The following TRIM67 variants were observed in gnomAD, a reference collection of about 807,000 sequenced individuals.
TRIM67 encodes tripartite motif-containing protein 67.
A neutral mutation model predicts 71.0 loss-of-function variants in TRIM67; 39 were observed. That is an observed-to-expected ratio of 0.55 (90% confidence interval 0.43 to 0.72). TRIM67 has a LOEUF of 0.72. TRIM67 is among the 30% of genes least tolerant of loss of function. TRIM67 has a pLI of 0.00. For synonymous variants in TRIM67, 481 were observed against 473.9 expected (o/e 1.01, Z -0.19); for missense variants, 973 against 1,079.2 (o/e 0.90, Z 1.38).
At chr1:231,182,605 A>G (rs1009102929) in intron 1 of TRIM67, among the ~76,000 whole-genome samples, 2 of 152,156 alleles carry the variant, frequency 1.3e-5, no homozygotes, top group Admixed American at 6.5e-5. Context: ...GGGCACATCC[A>G]GCAGATGAAT....
intron 1 of TRIM67, among the ~76,000 whole-genome samples, chr1:231,193,822 C>G (rs1043707254): frequency 5.3e-5 from 8 of 152,048 alleles, no homozygotes; most frequent in Admixed American, 5.2e-4. Context: ...GTTTAACAAC[C>G]AGTTCTCGTG....
rs181533916 is a variant in TRIM67 at position 231,194,808 on chromosome 1, G to A, written c.1045-2563G>A. Among the ~76,000 whole-genome samples the A allele has an allele frequency of 1.2e-4, 19 of 152,164 alleles. No individual in the cohort carries two copies. In the East Asian group the frequency reaches 1.7e-3, roughly 14 times the overall value. On this transcript the variant is annotated intron_variant, in intron 1 of 9. Coordinates refer to ENST00000366653, the MANE Select transcript of TRIM67 (RefSeq NM_001004342.5). ...AGCCATCCTCCTGCCCCAGCCTCCCGAGTAGCTGGGACTACAAGCACACAC... is the reference window on the plus strand; with the variant it reads ...AGCCATCCTCCTGCCCCAGCCTCCCAAGTAGCTGGGACTACAAGCACACAC...
intron 8 of TRIM67, 27 bp from the exon 9 acceptor site, chr1:231,213,788 T>G (rs1222291225): frequency 6.4e-7 from 1 of 1,551,074 alleles, no homozygotes; most frequent in Non-Finnish European, 8.7e-7. Context: ...GGTGTGGTGA[T>G]GGTCTTCCTG....
rs1407992663 is a variant in TRIM67, at chr1:231,219,611, GA to G, written c.*4174del. On this transcript the variant is annotated 3_prime_UTR_variant, in exon 10 of 10. Transcript: ENST00000366653. Reference sequence around the variant, plus strand: ...CCCCCTGCCCGCTCCCCACTTCCTAGAAAGCAAAACTCGTTACCTTTGTTTT... The same window carrying G: ...CCCCCTGCCCGCTCCCCACTTCCTAGAAGCAAAACTCGTTACCTTTGTTTT... The G allele has an allele frequency of 8.8e-7, 1 of 1,132,472 alleles. No individual in the cohort carries two copies. Among genetic ancestry groups the G allele is most frequent in the East Asian group, 7.1e-5 (1 of 14,172 alleles). 70.2% of individuals were successfully genotyped at this position (1,132,472 alleles called of 1,614,324 possible). A position where few individuals can be genotyped will look rare whatever the true frequency, so the allele number is the denominator to read the frequency against.
Position 231,163,795 on chromosome 1 carries a change from A to G in TRIM67, c.826A>G (p.Ser276Gly). 6.7e-7 allele frequency: 1 copy of G among 1,490,624 alleles called. No homozygotes were observed. The highest frequency in any genetic ancestry group is 9.0e-7 in the Non-Finnish European group (1 of 1,116,394). The allele number at this position is 1,490,624 out of a possible 1,614,324, so 92.3% of individuals were successfully genotyped here. A position where few individuals can be genotyped will look rare whatever the true frequency, so the allele number is the denominator to read the frequency against. The change falls in exon 1 of 10, where the codon AGC becomes GGC. Residue 276 changes from serine to glycine, a missense_variant. Coordinates refer to ENST00000366653, the MANE Select transcript of TRIM67 (RefSeq NM_001004342.5). ...CACTGGCACCGCCCAGGGCGCCCCC[A>G]GCGGAGGCGGCGGCTGCAAGAGCCC... ...GPTGTAQGAP[S>G]GGGGCKSPGG... is the part of the protein sequence containing the mutation.
chr1:231,172,552 C>A (rs1682644549), intron 1 of TRIM67, among the ~76,000 whole-genome samples: 1 of 152,118 alleles, frequency 6.6e-6, no homozygotes, highest in Non-Finnish European at 1.5e-5. Flanking sequence ...GAGCTGGGTT[C>A]TGGGAACCAG....
chr1:231,199,272 G>A, intron 3 of TRIM67, 103 bp downstream of exon 3: 1 of 1,110,086 alleles, frequency 9.0e-7, no homozygotes, highest in Admixed American at 1.8e-5. Flanking sequence ...AGCTAAGTGA[G>A]TGAATGAATG....
chr1:231,192,344 C>T (rs912432500), intron 1 of TRIM67, among the ~76,000 whole-genome samples: 9 of 152,114 alleles, frequency 5.9e-5, no homozygotes, highest in African/African-American at 1.9e-4. Context: ...GTAGAGACAA[C>T]AGCTCACTAT....
chr1:231,207,061 A>G (rs941896940), intron 7 of TRIM67, among the ~76,000 whole-genome samples: 1 of 152,174 alleles, frequency 6.6e-6, no homozygotes, highest in Admixed American at 6.5e-5. Flanking sequence ...GCAGGGCCGG[A>G]GGGGCCGGTT....
At chr1:231,186,328 C>G (rs1389020802) in intron 1 of TRIM67, among the ~76,000 whole-genome samples, 1 of 152,176 alleles carries the variant, frequency 6.6e-6, no homozygotes, top group Non-Finnish European at 1.5e-5. Flanking sequence ...CTGGTTTCAG[C>G]AGCGCATCCG....
rs979765775 is a variant in TRIM67 at position 231,162,661 on chromosome 1, A to C, written c.-309A>C. On this transcript the variant is annotated 5_prime_UTR_variant, in exon 1 of 10. Transcript: ENST00000366653. ...GGCGCTGGTGCTGATTCATCACCTA[A>C]AGCTCCTCGCAGGCCACCGCGAGGG... 1.1e-5 allele frequency: 4 copies of C among 364,106 alleles called. No homozygotes were observed. Among genetic ancestry groups the C allele is most frequent in the Admixed American group, 4.6e-5 (1 of 21,650 alleles). The allele number at this position is 364,106 out of a possible 1,614,324, so 22.6% of individuals were successfully genotyped here.
chr1:231,177,200 C>CG (rs1394390014), intron 1 of TRIM67, among the ~76,000 whole-genome samples: 3 of 152,182 alleles, frequency 2.0e-5, no homozygotes, highest in Admixed American at 2.0e-4. Flanking sequence ...TGAATGAGCA[C>CG]GGAGCAGAGA....
intron 5 of TRIM67, among the ~76,000 whole-genome samples, chr1:231,202,683 A>T (rs1476707822): frequency 1.3e-5 from 2 of 152,146 alleles, no homozygotes; most frequent in African/African-American, 4.8e-5. Flanking sequence ...GGCCATTTTA[A>T]ACTAAAGAAG....
chr1:231,199,031 C>G lies in TRIM67; in HGVS notation c.1141-16C>G. 1 of 1,613,844 alleles carries G rather than the reference C, an allele frequency of 6.2e-7. No homozygotes were observed. The highest frequency in any genetic ancestry group is 2.2e-5 in the East Asian group (1 of 44,882). ...AACTCTTTGCTTCTTCCCAACCAAC[C>G]CCCAACCTCTGCCAGGAAAACGGAC... On this transcript the variant is annotated splice_polypyrimidine_tract_variant and intron_variant, in intron 2 of 9. Coordinates refer to ENST00000366653, the MANE Select transcript of TRIM67 (RefSeq NM_001004342.5).
intron 1 of TRIM67, among the ~76,000 whole-genome samples, chr1:231,193,503 GCTCTCTCTCTCTCTCTCTCTCTCT>G (rs3049035): frequency 2.4e-5 from 2 of 81,996 alleles, no homozygotes; most frequent in African/African-American, 9.1e-5. Context: ...TCTCTCTCAA[GCTCTCTCTCTCTCTCTCTCTCTCT>G]CTCTCTCTCT....
intron 1 of TRIM67, among the ~76,000 whole-genome samples, chr1:231,190,827 CA>C (rs1424387227): frequency 2.6e-5 from 4 of 152,138 alleles, no homozygotes; most frequent in Non-Finnish European, 4.4e-5. Flanking sequence ...AGGGTCTGCC[CA>C]AGTCTCCCTC....
At position 231,203,907 on chromosome 1, in the gene TRIM67, C is replaced by T. The variant is rs1044478763; in HGVS notation, c.1575C>T (p.Thr525=). 12 of 1,613,832 alleles carry T rather than the reference C, an allele frequency of 7.4e-6. No homozygotes were observed. Among genetic ancestry groups the T allele is most frequent in the East Asian group, 2.2e-5 (1 of 44,898 alleles). The change falls in exon 6 of 10, where the codon ACC becomes ACT. Residue 525 remains threonine (T), a synonymous_variant. Transcript: ENST00000366653. ...VPLLQLEKCC[T]RNNSVTLAWR... Reference sequence around the variant, plus strand: ...TACTGCAGCTGGAGAAATGCTGCACCCGTAACAACAGCGTCACGCTGGCCT... The same window carrying T: ...TACTGCAGCTGGAGAAATGCTGCACTCGTAACAACAGCGTCACGCTGGCCT...
Position 231,163,662 on chromosome 1 carries a change from C to G in TRIM67, c.693C>G (p.Cys231Trp). 1 of 1,519,402 alleles carries G rather than the reference C, an allele frequency of 6.6e-7. No individual in the cohort carries two copies. Among genetic ancestry groups the G allele is most frequent in the South Asian group, 1.2e-5 (1 of 81,040 alleles). The allele number at this position is 1,519,402 out of a possible 1,614,324, so 94.1% of individuals were successfully genotyped here. ...TLCEQCDVLY[C>W]SACQLKCHPS... ...GCGAGCAGTGCGACGTCCTCTACTG[C>G]TCTGCCTGCCAGCTCAAGTGCCATC... Residue 231 changes from cysteine to tryptophan, a missense_variant, in exon 1 of 10, where the codon TGC becomes TGG. By Grantham distance (215) the Cys-to-Trp change is radical. Coordinates refer to ENST00000366653, the MANE Select transcript of TRIM67 (RefSeq NM_001004342.5).
chr1:231,163,314 C>T lies in TRIM67; in HGVS notation c.345C>T (p.Tyr115=). Residue 115 remains tyrosine (Y), a synonymous_variant, in exon 1 of 10, where the codon TAC becomes TAT. Transcript: ENST00000366653. ...YSETDSGYGS[Y]TPSLKSPNGV... is the part of the protein sequence containing the mutation. ...AGACAGACAGCGGCTACGGGTCCTA[C>T]ACCCCGAGCCTCAAGTCCCCCAACG... is the stretch of plus-strand genomic sequence containing the variant. The T allele has an allele frequency of 2.0e-6, 3 of 1,520,486 alleles. No individual in the cohort carries two copies. The highest frequency in any genetic ancestry group is 2.6e-6 in the Non-Finnish European group (3 of 1,132,994). The allele number at this position is 1,520,486 out of a possible 1,614,324, so 94.2% of individuals were successfully genotyped here. A position where few individuals can be genotyped will look rare whatever the true frequency, so the allele number is the denominator to read the frequency against.
Sources: gnomAD v4.1 joint callset for allele counts (sites outside exome capture counted in the v4.1 genomes callset) on GRCh38, gnomAD v4.1.1 for gene constraint, MANE v1.5 for transcripts, NCBI Gene and HGNC (gene_info 2026-07-23, HGNC 2026-07-21) for gene names.